Variants in GRM5 observed in about 807,000 individuals in gnomAD.
GRM5 encodes the protein glutamate metabotropic receptor 5.
Under a neutral mutation model 83.1 loss-of-function variants are expected in GRM5, and 19 were observed. That is an observed-to-expected ratio of 0.23 (90% CI 0.16 to 0.34). The LOEUF (loss-of-function observed/expected upper bound fraction) is 0.34, where lower values mean the gene tolerates loss of function less well. Ranked by LOEUF, GRM5 falls within the 10% of genes least tolerant of loss-of-function variation. The pLI is 1.00. For missense variants in GRM5, 1,160 were observed against 1,588.3 expected (o/e 0.73, Z 4.58); for synonymous variants, 675 against 633.6 (o/e 1.07, Z -0.98).
intron 2 of GRM5, among the ~76,000 whole-genome samples, chr11:89,034,911 T>TA: frequency 6.6e-6 from 1 of 150,600 alleles, no homozygotes. Flanking sequence ...CAATTTTATA[T>TA]AAATACAAAG....
intron 3 of GRM5, among the ~76,000 whole-genome samples, chr11:88,802,505 C>G (rs1943416953): frequency 6.6e-6 from 1 of 152,040 alleles, no homozygotes; most frequent in South Asian, 2.1e-4. Flanking sequence ...TAAAAACTCT[C>G]AATAAATTAG....
chr11:88,868,910 G>C (rs768242743), intron 2 of GRM5, among the ~76,000 whole-genome samples: 26 of 151,784 alleles, frequency 1.7e-4, no homozygotes, highest in Middle Eastern at 3.4e-3. Context: ...ATCACTTATG[G>C]TCTAATTCTC....
chr11:88,637,987 T>C (rs35564465), intron 4 of GRM5, among the ~76,000 whole-genome samples: 1 of 151,636 alleles, frequency 6.6e-6, no homozygotes, highest in Non-Finnish European at 1.5e-5. Context: ...AAAAAATGAT[T>C]AGTTCATGTC....
At chr11:88,894,784 T>A (rs1164290290) in intron 2 of GRM5, among the ~76,000 whole-genome samples, 1 of 151,956 alleles carries the variant, frequency 6.6e-6, no homozygotes, top group Admixed American at 6.6e-5. Context: ...TCCTTATGAA[T>A]GAATTAGTAC....
At chr11:88,679,940 AT>A (rs1554992410) in intron 3 of GRM5, among the ~76,000 whole-genome samples, 1 of 2,006 alleles carries the variant, frequency 5.0e-4, no homozygotes, top group African/African-American at 5.6e-4. Flanking sequence ...ATAAAAACAA[AT>A]AGACAAAAAC....
At chr11:88,524,262 G>C (rs1270871959) in intron 9 of GRM5, among the ~76,000 whole-genome samples, 1 of 124,698 alleles carries the variant, frequency 8.0e-6, no homozygotes, top group African/African-American at 3.2e-5. Flanking sequence ...TCGTTGCCCA[G>C]GTTGGAGTGC....
intron 3 of GRM5, among the ~76,000 whole-genome samples, chr11:88,773,742 G>T (rs553469923): frequency 6.6e-6 from 1 of 152,174 alleles, no homozygotes; most frequent in South Asian, 2.1e-4. Flanking sequence ...TATCAGGTTT[G>T]TCAAAAATCA....
intron 2 of GRM5, among the ~76,000 whole-genome samples, chr11:88,957,183 A>G (rs908270207): frequency 2.6e-5 from 4 of 152,240 alleles, no homozygotes; most frequent in African/African-American, 9.6e-5. Flanking sequence ...GGAATTTTCC[A>G]GGTGACATCA....
At chr11:88,945,720 A>G (rs567635432) in intron 2 of GRM5, among the ~76,000 whole-genome samples, 22 of 152,172 alleles carry the variant, frequency 1.4e-4, no homozygotes, top group African/African-American at 5.3e-4. Context: ...ACCTTTTACC[A>G]TATTCAAAAA....
intron 4 of GRM5, among the ~76,000 whole-genome samples, chr11:88,630,533 T>A (rs1938933469): frequency 7.0e-6 from 1 of 142,222 alleles, no homozygotes; most frequent in Admixed American, 7.8e-5. Context: ...AATTTACTAA[T>A]GTAATACACA....
chr11:89,002,587 A>T (rs1329843284), intron 2 of GRM5, among the ~76,000 whole-genome samples: 1 of 152,172 alleles, frequency 6.6e-6, no homozygotes, highest in African/African-American at 2.4e-5. Flanking sequence ...ATCTGCAACA[A>T]GGGCAACTTT....
At chr11:88,974,624 C>T (rs1252238220) in intron 2 of GRM5, among the ~76,000 whole-genome samples, 1 of 152,082 alleles carries the variant, frequency 6.6e-6, no homozygotes, top group Non-Finnish European at 1.5e-5. Flanking sequence ...AATACCTTAA[C>T]ACCCTAGGCC....
At chr11:88,796,776 C>T (rs1299161038) in intron 3 of GRM5, among the ~76,000 whole-genome samples, 1 of 152,004 alleles carries the variant, frequency 6.6e-6, no homozygotes, top group African/African-American at 2.4e-5. Flanking sequence ...AATTCTTTGT[C>T]ACAAGTTGAC....
chr11:88,515,231 T>A (rs977679415), intron 9 of GRM5, among the ~76,000 whole-genome samples: 6 of 152,178 alleles, frequency 3.9e-5, no homozygotes, highest in Admixed American at 3.9e-4. Context: ...TGGAATTGTG[T>A]TGAGTCATCA....
chr11:88,924,073 G>C (rs1206170085), intron 2 of GRM5, among the ~76,000 whole-genome samples: 1 of 150,378 alleles, frequency 6.6e-6, no homozygotes, highest in Non-Finnish European at 1.5e-5. Flanking sequence ...CTAATCATCA[G>C]GGAAATGAAA....
intron 3 of GRM5, among the ~76,000 whole-genome samples, chr11:88,666,430 A>T (rs1024068863): frequency 3.3e-5 from 5 of 152,136 alleles, no homozygotes; most frequent in African/African-American, 1.2e-4. Context: ...CTCTTCCAGG[A>T]ACTAATCCAT....
intron 4 of GRM5, among the ~76,000 whole-genome samples, chr11:88,613,757 C>A (rs16914311): frequency 0.023 from 3,534 of 152,164 alleles, 125 homozygotes; most frequent in African/African-American, 0.079. Flanking sequence ...TTAAAGGATC[C>A]AAGAACACTT....
chr11:88,728,713 G>GT (rs748106127), intron 3 of GRM5, among the ~76,000 whole-genome samples: 5 of 152,080 alleles, frequency 3.3e-5, no homozygotes, highest in Non-Finnish European at 5.9e-5. Flanking sequence ...TGCAAGGCTG[G>GT]TTCAACATAT....
chr11:89,065,337 GAC>G (rs758316005), intron 1 of GRM5, among the ~76,000 whole-genome samples: 1 of 150,624 alleles, frequency 6.6e-6, no homozygotes, highest in Non-Finnish European at 1.5e-5. Context: ...GAGAGAGACA[GAC>G]ACACAGAGAG....
Sources: allele counts gnomAD v4.1 joint callset (sites outside exome capture counted in the v4.1 genomes callset), GRCh38; gene constraint gnomAD v4.1.1; transcripts MANE v1.5; gene names NCBI Gene and HGNC (gene_info 2026-07-23, HGNC 2026-07-21).